The following WNK2 variants were observed in gnomAD, a reference collection of about 807,000 sequenced individuals.
WNK2 encodes WNK lysine deficient protein kinase 2, also known as serine/threonine-protein kinase WNK2.
In WNK2, 67 loss-of-function variants were observed where a neutral mutation model predicts 192.1. That is an observed-to-expected ratio of 0.35 (90% CI 0.29 to 0.43). WNK2 has a LOEUF of 0.43. Ranked by LOEUF, WNK2 falls within the 20% of genes least tolerant of loss-of-function variation. The pLI is 1.00. For synonymous variants in WNK2, 1,439 were observed against 1,393.9 expected, an observed-to-expected ratio of 1.03 and a Z score of -0.72; for missense variants, 2,698 against 3,089.7, an observed-to-expected ratio of 0.87 and a Z score of 3.01.
Position 93,317,881 on chromosome 9 carries a change from C to T in WNK2, c.6628+250C>T, listed in dbSNP as rs1238638186. 5.7e-6 allele frequency: 9 copies of T among 1,569,392 alleles called. No homozygotes were observed. In the East Asian group the frequency reaches 6.8e-5, roughly 12 times the overall value. On this transcript the variant is annotated intron_variant, in intron 29 of 29. Transcript: ENST00000427277. The stretch of plus-strand genomic sequence containing the variant: ...GCCCTGTCCCTTGCCAGATGGCGCC[C>T]TCGGAACCGCCCGGAGAAACCAGGT...
At position 93,252,915 on chromosome 9, in the gene WNK2, A is replaced by C. The variant is rs766123567; in HGVS notation, c.1867A>C (p.Thr623Pro). ...CACCTTCGACAGCGGCCAGGGCTCT[A>C]CCGTGTACTCAGACTCGCAGAGCAG... ...DSTFDSGQGS[T>P]VYSDSQSSQQ... Residue 623 changes from threonine (T) to proline (P), a missense_variant, in exon 9 of 30, where the codon ACC becomes CCC. By Grantham distance (38) the Thr-to-Pro change is conservative (BLOSUM62 -1). This residue lies in a region of WNK2 where 893 missense variants were observed against 909.0 expected (regional missense o/e 0.98). Coordinates refer to ENST00000427277, the MANE Select transcript of WNK2 (RefSeq NM_006648.4). 2 of 1,563,926 alleles carry C rather than the reference A, an allele frequency of 1.3e-6. No individual in the cohort carries two copies.
At position 93,267,844 on chromosome 9, in the gene WNK2, A is replaced by G. The variant is rs766404505; in HGVS notation, c.3795A>G (p.Thr1265=). The G allele has an allele frequency of 6.2e-7, 1 of 1,612,206 alleles. No homozygotes were observed. The highest frequency in any genetic ancestry group is 8.5e-7 in the Non-Finnish European group (1 of 1,179,364). The change falls in exon 17 of 30, where the codon ACA becomes ACG. Residue 1265 remains threonine, a synonymous_variant. Coordinates refer to ENST00000427277, the MANE Select transcript of WNK2 (RefSeq NM_006648.4). ...DKAEDMLSED[T]DADRGSDPGT... ...CAGAGGACATGCTCAGCGAGGACACAGACGCCGACCGTGGCTCCGACCCAG... is the reference window on the plus strand; with the variant it reads ...CAGAGGACATGCTCAGCGAGGACACGGACGCCGACCGTGGCTCCGACCCAG...
chr9:93,227,286 T>G (rs573962111), intron 2 of WNK2, among the ~76,000 whole-genome samples: 14 of 152,158 alleles, frequency 9.2e-5, no homozygotes, highest in African/African-American at 3.1e-4. Flanking sequence ...GCTAATTTTT[T>G]GTATTTTTAG....
intron 23 of WNK2, among the ~76,000 whole-genome samples, chr9:93,296,024 C>G: frequency 8.3e-6 from 1 of 120,254 alleles, no homozygotes; most frequent in Non-Finnish European, 1.8e-5. Flanking sequence ...CCCTCACCTT[C>G]CTCCCCTCTC....
At chr9:93,265,777 C>T (rs931486002) in intron 16 of WNK2, among the ~76,000 whole-genome samples, 8 of 152,244 alleles carry the variant, frequency 5.3e-5, no homozygotes, top group Non-Finnish European at 7.3e-5. Context: ...GCCACACATG[C>T]GACATCAGCC....
Position 93,229,672 on chromosome 9 carries a change from C to T in WNK2, c.682-24C>T. 1 of 1,605,056 alleles carries T rather than the reference C, an allele frequency of 6.2e-7. No homozygotes were observed. The highest frequency in any genetic ancestry group is 8.5e-7 in the Non-Finnish European group (1 of 1,173,944). ...CCTTCTGTGTCCCATCTCTTGCCCA[C>T]TTAGCATGTCTCTTGCCCTGTAGGA... On this transcript the variant is annotated intron_variant, in intron 2 of 29. Transcript: ENST00000427277. The surrounding 1 kb of genome is among the most constrained non-coding windows in gnomAD (Gnocchi z 4.9).
intron 19 of WNK2, among the ~76,000 whole-genome samples, chr9:93,269,988 G>C (rs1422418655): frequency 1.3e-5 from 2 of 152,216 alleles, no homozygotes; most frequent in Non-Finnish European, 2.9e-5. Flanking sequence ...GGGAAGGATG[G>C]AGACATAGGG....
chr9:93,308,025 G>A (rs1852930884), intron 27 of WNK2: 1 of 431,964 alleles, frequency 2.3e-6, no homozygotes, highest in Non-Finnish European at 4.1e-6. Flanking sequence ...TGAGTCTGGG[G>A]ATGGGCAGCG....
chr9:93,188,493 T>G (rs1399065012), intron 2 of WNK2, among the ~76,000 whole-genome samples: 1 of 152,216 alleles, frequency 6.6e-6, no homozygotes, highest in Non-Finnish European at 1.5e-5. Context: ...CCTGCACTGT[T>G]TTTTGTGGGG....
At chr9:93,185,649 T>TCTGTCCGCGAGTGCGTCCTTGGGC (rs1375407577) in intron 2 of WNK2, 39 bp downstream of exon 2, 1 of 1,582,466 alleles carries the variant, frequency 6.3e-7, no homozygotes, top group East Asian at 2.3e-5. Flanking sequence ...TTCCGCAGGG[T>TCTGTCCGCGAGTGCGTCCTTGGGC]CTGTCCGCGA....
chr9:93,202,468 G>A (rs1175376449), intron 2 of WNK2, among the ~76,000 whole-genome samples: 1 of 152,126 alleles, frequency 6.6e-6, no homozygotes, highest in Admixed American at 6.5e-5. Context: ...GGGGCCACCT[G>A]TCCCGTGGGC....
chr9:93,260,625 G>C (rs1019951218), intron 12 of WNK2, among the ~76,000 whole-genome samples: 8 of 152,208 alleles, frequency 5.3e-5, no homozygotes, highest in African/African-American at 1.7e-4. Flanking sequence ...ACCGTGAGCC[G>C]TTCCTCCTGG....
rs1368973192 is a variant in WNK2, at chr9:93,229,127, G to C, written c.682-569G>C. ...GGCTTGTGCAGACACAGTGGCCCAAGGGTCTGGGGAGGTGTCTGCTGTGTC... is the reference window on the plus strand; with the variant it reads ...GGCTTGTGCAGACACAGTGGCCCAACGGTCTGGGGAGGTGTCTGCTGTGTC... On this transcript the variant is annotated intron_variant, in intron 2 of 29. Coordinates refer to ENST00000427277, the MANE Select transcript of WNK2 (RefSeq NM_006648.4). The surrounding 1 kb of genome is among the most constrained non-coding windows in gnomAD (Gnocchi z 4.9). Among the ~76,000 whole-genome samples, 1 of 152,172 alleles carries C rather than the reference G, an allele frequency of 6.6e-6. No individual in the cohort carries two copies. Among genetic ancestry groups the C allele is most frequent in the East Asian group, 1.9e-4 (1 of 5,188 alleles).
intron 26 of WNK2, among the ~76,000 whole-genome samples, chr9:93,303,823 G>T (rs1026282104): frequency 6.6e-6 from 1 of 152,236 alleles, no homozygotes; most frequent in East Asian, 1.9e-4. Context: ...TTTGTGGACA[G>T]TTTTTGGCTC....
At chr9:93,314,592 C>T (rs959556163) in intron 28 of WNK2, among the ~76,000 whole-genome samples, 1 of 152,130 alleles carries the variant, frequency 6.6e-6, no homozygotes, top group Admixed American at 6.5e-5. Flanking sequence ...GCAATGATGC[C>T]AGCCATTTAT....
chr9:93,249,497 G>A (rs1184257981), intron 8 of WNK2, among the ~76,000 whole-genome samples: 2 of 152,012 alleles, frequency 1.3e-5, no homozygotes, highest in African/African-American at 4.8e-5. Flanking sequence ...TTTTTGAGAC[G>A]GAGTCTTGCT....
rs113795550 is a variant in WNK2 at position 93,292,610 on chromosome 9, T to C, written c.5145T>C (p.Ala1715=). Residue 1715 remains alanine (A), a synonymous_variant, in exon 23 of 30, where the codon GCT becomes GCC. Coordinates refer to ENST00000427277, the MANE Select transcript of WNK2 (RefSeq NM_006648.4). ...PSDMGTVGGQ[A]SHPQTLGARA... Reference sequence around the variant, plus strand: ...ACATGGGCACAGTGGGGGGCCAGGCTAGCCACCCCCAGACACTCGGCGCTC... The same window carrying C: ...ACATGGGCACAGTGGGGGGCCAGGCCAGCCACCCCCAGACACTCGGCGCTC... 1 of 1,580,804 alleles carries C rather than the reference T, an allele frequency of 6.3e-7. No homozygotes were observed. Among genetic ancestry groups the C allele is most frequent in the Non-Finnish European group, 8.6e-7 (1 of 1,162,376 alleles).
intron 29 of WNK2, among the ~76,000 whole-genome samples, chr9:93,320,110 G>C (rs1477899587): frequency 6.6e-6 from 1 of 152,218 alleles, no homozygotes; most frequent in Non-Finnish European, 1.5e-5. Flanking sequence ...GCTCCAGACG[G>C]TACAGGAGCA....
At chr9:93,210,526 C>T (rs994772841) in intron 2 of WNK2, among the ~76,000 whole-genome samples, 6 of 152,114 alleles carry the variant, frequency 3.9e-5, no homozygotes, top group Non-Finnish European at 8.8e-5. Flanking sequence ...CGCGTGGGTG[C>T]TGGGGCACTC....
Sources: allele counts gnomAD v4.1 joint callset (sites outside exome capture counted in the v4.1 genomes callset), GRCh38; gene constraint gnomAD v4.1.1; regional missense constraint gnomAD v4.1.1; non-coding constraint Gnocchi (gnomAD v3.1); transcripts MANE v1.5; gene names NCBI Gene and HGNC (gene_info 2026-07-23, HGNC 2026-07-21).